DPY19L1: variants seen among roughly 807,000 people sequenced by gnomAD.
The protein encoded by DPY19L1 is protein C-mannosyl-transferase DPY19L1.
Under a neutral mutation model 96.9 loss-of-function variants are expected in DPY19L1, and 35 were observed. The ratio of observed to expected loss-of-function variants is 0.36; its 90% CI spans 0.28 to 0.48. DPY19L1 has a LOEUF of 0.48. Ranked by LOEUF, DPY19L1 falls within the 20% of genes least tolerant of loss-of-function variation. The probability of loss-of-function intolerance (pLI) is 0.99; values close to 1 mark genes in which losing one functional copy is unlikely to be tolerated. For missense variants in DPY19L1, 521 were observed against 777.9 expected, an observed-to-expected ratio of 0.67 and a Z score of 3.93; for synonymous variants, 205 against 252.6, an observed-to-expected ratio of 0.81 and a Z score of 1.79.
At chr7:35,009,693 A>C (rs887473608) in intron 6 of DPY19L1, among the ~76,000 whole-genome samples, 7 of 152,218 alleles carry the variant, frequency 4.6e-5, no homozygotes, top group African/African-American at 1.7e-4. Flanking sequence ...AGAACCACAG[A>C]CAGCCATCTA....
intron 6 of DPY19L1, among the ~76,000 whole-genome samples, chr7:35,002,691 C>T (rs1342554009): frequency 6.6e-6 from 1 of 152,166 alleles, no homozygotes; most frequent in Non-Finnish European, 1.5e-5. Context: ...GAAGGGGAAG[C>T]AAAGGTCACA....
chr7:34,993,222 C>A (rs927381341), intron 6 of DPY19L1, among the ~76,000 whole-genome samples: 19 of 152,088 alleles, frequency 1.2e-4, no homozygotes, highest in South Asian at 2.1e-4. Flanking sequence ...TCTTCCACAC[C>A]TTAAAACTAT....
At chr7:34,945,525 G>GCCAGGAAGGGAAATGA in intron 16 of DPY19L1, 142 bp downstream of exon 16, 2 of 630,850 alleles carry the variant, frequency 3.2e-6, no homozygotes, top group Non-Finnish European at 5.5e-6. Context: ...AAGAAGAAAT[G>GCCAGGAAGGGAAATGA]CCAGGAAGGG....
At chr7:34,972,355 A>G (rs1784741013) in intron 8 of DPY19L1, among the ~76,000 whole-genome samples, 1 of 152,328 alleles carries the variant, frequency 6.6e-6, no homozygotes, top group East Asian at 1.9e-4. Flanking sequence ...CAGATGGACT[A>G]AAGGAAGCAG....
intron 1 of DPY19L1, among the ~76,000 whole-genome samples, chr7:35,036,228 T>C (rs1220654079): frequency 2.0e-5 from 3 of 152,132 alleles, no homozygotes; most frequent in Admixed American, 1.3e-4. Flanking sequence ...TCAACAGTAA[T>C]TAAATAGTTC....
chr7:34,998,088 A>G (rs572874717), intron 6 of DPY19L1, among the ~76,000 whole-genome samples: 3 of 152,380 alleles, frequency 2.0e-5, no homozygotes, highest in East Asian at 3.9e-4. Flanking sequence ...TCTCTCAGAT[A>G]TCAGAGAAAC....
At chr7:34,957,882 A>G in intron 11 of DPY19L1, 102 bp downstream of exon 11, 1 of 701,386 alleles carries the variant, frequency 1.4e-6, no homozygotes, top group Non-Finnish European at 2.4e-6. Context: ...GACACTTAAG[A>G]TGGTTCCTAC....
chr7:34,955,953 C>T (rs1296760756), intron 11 of DPY19L1, among the ~76,000 whole-genome samples: 1 of 65,556 alleles, frequency 1.5e-5, no homozygotes, highest in Non-Finnish European at 2.7e-5. Context: ...TGATACAATT[C>T]AGGTTTCAAA....
chr7:34,939,163 G>T, intron 20 of DPY19L1, 113 bp downstream of exon 20: 2 of 890,012 alleles, frequency 2.2e-6, no homozygotes, highest in Non-Finnish European at 3.4e-6. Flanking sequence ...GACTCGATAA[G>T]CCTCAGTTCA....
intron 6 of DPY19L1, among the ~76,000 whole-genome samples, chr7:35,003,894 A>G (rs956557691): frequency 1.3e-5 from 2 of 152,180 alleles, no homozygotes; most frequent in East Asian, 1.9e-4. Context: ...AGCTCTTCTT[A>G]TATTTGCCTT....
intron 6 of DPY19L1, among the ~76,000 whole-genome samples, chr7:35,003,388 A>C (rs1329890063): frequency 1.3e-5 from 2 of 152,126 alleles, no homozygotes; most frequent in Non-Finnish European, 2.9e-5. Flanking sequence ...TCATGCCCAA[A>C]ATCTCCACAT....
intron 3 of DPY19L1, among the ~76,000 whole-genome samples, chr7:35,014,079 A>G (rs2128678862): frequency 6.6e-6 from 1 of 152,268 alleles, no homozygotes. Flanking sequence ...TGAACCAAGA[A>G]ATCTCAAGCC....
intron 7 of DPY19L1, among the ~76,000 whole-genome samples, chr7:34,979,081 T>C (rs183277338): frequency 1.4e-4 from 21 of 152,276 alleles, no homozygotes; most frequent in Non-Finnish European, 2.6e-4. Flanking sequence ...AAAACATTGA[T>C]CTTTTTGTCT....
chr7:35,034,991 C>T (rs1786353525), intron 1 of DPY19L1, among the ~76,000 whole-genome samples: 1 of 152,224 alleles, frequency 6.6e-6, no homozygotes, highest in Admixed American at 6.5e-5. Flanking sequence ...CTGCTCCTCT[C>T]TGCAGGATCT....
At chr7:34,985,441 A>C (rs1785027237) in intron 7 of DPY19L1, among the ~76,000 whole-genome samples, 1 of 152,156 alleles carries the variant, frequency 6.6e-6, no homozygotes, top group Admixed American at 6.5e-5. Flanking sequence ...ATAAGGGGCC[A>C]ATATTCAAAA....
In DPY19L1 at chr7:34,940,136, C is replaced by CT. The variant is rs374009680; in HGVS notation, c.1864+16dup. 232,921 of 1,208,978 alleles carry CT rather than the reference C, an allele frequency of 0.19. 3,184 individuals carry two copies. Among genetic ancestry groups the CT allele is most frequent in the Admixed American group, 0.31 (8,634 of 27,962 alleles). 74.9% of individuals were successfully genotyped at this position (1,208,978 alleles called of 1,614,324 possible). A position where few individuals can be genotyped will look rare whatever the true frequency, so the allele number is the denominator to read the frequency against. On this transcript the variant is annotated intron_variant, in intron 19 of 21. Coordinates refer to ENST00000638088, the MANE Select transcript of DPY19L1 (RefSeq NM_001366673.1). ...AGCTAAATAATATGACTTTTTTTTTCTTTTTTTTTTTTTTACCTGGTTTAG... is the reference window on the plus strand; with the variant it reads ...AGCTAAATAATATGACTTTTTTTTTCTTTTTTTTTTTTTTTACCTGGTTTAG...
chr7:34,992,193 C>T (rs1785184586), intron 6 of DPY19L1, among the ~76,000 whole-genome samples: 2 of 152,060 alleles, frequency 1.3e-5, no homozygotes, highest in Non-Finnish European at 2.9e-5. Flanking sequence ...AGGTGAAAAC[C>T]CTTTTCTCAC....
intron 13 of DPY19L1, among the ~76,000 whole-genome samples, chr7:34,950,923 T>A (rs1784255313): frequency 6.6e-6 from 1 of 152,102 alleles, no homozygotes. Context: ...TATTATATTG[T>A]CACCAAAAGA....
intron 6 of DPY19L1, among the ~76,000 whole-genome samples, chr7:35,009,552 T>C (rs1785649588): frequency 6.6e-6 from 1 of 152,236 alleles, no homozygotes; most frequent in African/African-American, 2.4e-5. Context: ...ACATAGAAGA[T>C]ACTTCTACTT....
Sources: allele counts gnomAD v4.1 joint callset (sites outside exome capture counted in the v4.1 genomes callset), GRCh38; gene constraint gnomAD v4.1.1; transcripts MANE v1.5; gene names NCBI Gene and HGNC (gene_info 2026-07-23, HGNC 2026-07-21).